Variants in DMD observed in about 807,000 individuals in gnomAD.
The protein encoded by DMD is mutant dystrophin.
A neutral mutation model predicts 330.1 loss-of-function variants in DMD; 63 were observed. The observed-to-expected ratio is 0.19, with a 90% confidence interval of 0.16 to 0.24. DMD has a LOEUF of 0.24. Ranked by LOEUF, DMD falls within the 10% of genes least tolerant of loss-of-function variation. DMD has a pLI of 1.00. For synonymous variants in DMD, 1,223 were observed against 959.8 expected (o/e 1.27, Z -5.07); for missense variants, 3,344 against 2,684.1 (o/e 1.25, Z -5.43).
At chrX:32,206,458 C>A in intron 44 of DMD, 1 of 534,777 alleles carries the variant, frequency 1.9e-6, no homozygotes, top group South Asian at 2.3e-5. Flanking sequence ...TGAGATACTC[C>A]AGCCAAAAAT....
intron 9 of DMD, among the ~76,000 whole-genome samples, chrX:32,684,406 T>A (rs1405003888): frequency 8.9e-6 from 1 of 111,746 alleles, no homozygotes; most frequent in African/African-American, 3.2e-5. Flanking sequence ...CCCTAAGTTT[T>A]ATTAATCCTA....
chrX:31,470,068 C>T (rs1224811742), intron 59 of DMD, among the ~76,000 whole-genome samples: 1 of 110,747 alleles, frequency 9.0e-6, no homozygotes, highest in Non-Finnish European at 1.9e-5. Context: ...TTAGCAATTC[C>T]TCTAACCTTT....
In DMD at chrX:32,928,616, T is replaced by C. The variant is rs183554618; in HGVS notation, c.94-78796A>G. ...TCATCAGGTAACCTACTTACAGATG[T>C]AAAACTTGCAATGATTTGTCTTCTA... On this transcript the variant is annotated intron_variant, in intron 2 of 78. Transcript: ENST00000357033. Among the ~76,000 whole-genome samples the C allele has an allele frequency of 5.3e-5, 6 of 112,202 alleles. No individual in the cohort carries two copies. In the Admixed American group the frequency reaches 5.7e-4, roughly 11 times the overall value.
chrX:32,876,838 A>G (rs2083422641), intron 2 of DMD, among the ~76,000 whole-genome samples: 1 of 112,260 alleles, frequency 8.9e-6, no homozygotes, highest in African/African-American at 3.2e-5. Context: ...ATCTGTGCCA[A>G]ATGGGGCACA....
chrX:32,956,315 C>T (rs950326820), intron 2 of DMD, among the ~76,000 whole-genome samples: 8 of 111,703 alleles, frequency 7.2e-5, no homozygotes, highest in African/African-American at 1.3e-4. Flanking sequence ...GAATGTTTTT[C>T]CATTTGTTTC....
At chrX:32,485,473 A>G (rs1218588607) in intron 20 of DMD, among the ~76,000 whole-genome samples, 1 of 110,597 alleles carries the variant, frequency 9.0e-6, no homozygotes. Context: ...GCTTGCTTCA[A>G]ATTTTAAGCT....
At chrX:32,359,207 T>A (rs1003919518) in intron 37 of DMD, among the ~76,000 whole-genome samples, 2 of 112,071 alleles carry the variant, frequency 1.8e-5, no homozygotes, top group African/African-American at 6.5e-5. Flanking sequence ...CTTTACTCAC[T>A]GCTTTCTGGG....
chrX:32,859,416 C>T (rs887734056), intron 2 of DMD, among the ~76,000 whole-genome samples: 4 of 105,338 alleles, frequency 3.8e-5, no homozygotes, highest in Non-Finnish European at 5.8e-5. Flanking sequence ...TGCAGTGAGC[C>T]GAGATCGTGC....
At chrX:33,025,418 CCTCTT>C (rs2147798227) in intron 1 of DMD, among the ~76,000 whole-genome samples, 1 of 111,091 alleles carries the variant, frequency 9.0e-6, no homozygotes, top group South Asian at 3.8e-4. Flanking sequence ...CTCCTTAAGA[CCTCTT>C]CTCTGCCATC....
chrX:31,187,717 C>CAGAGAG (rs55674554), intron 67 of DMD, among the ~76,000 whole-genome samples: 34 of 66,841 alleles, frequency 5.1e-4, no homozygotes, highest in East Asian at 2.1e-3. Flanking sequence ...CCCAGATTCT[C>CAGAGAG]AGAGAGAGAG....
chrX:32,623,679 C>T, intron 11 of DMD, among the ~76,000 whole-genome samples: 1 of 109,870 alleles, frequency 9.1e-6, no homozygotes. Context: ...AGGTGCACCA[C>T]CTTCCCTGGC....
chrX:31,763,039 A>G (rs765492375), intron 51 of DMD, among the ~76,000 whole-genome samples: 1 of 112,817 alleles, frequency 8.9e-6, no homozygotes, highest in Non-Finnish European at 1.9e-5. Flanking sequence ...TAAATCAACA[A>G]TATTTATAAA....
intron 44 of DMD, among the ~76,000 whole-genome samples, chrX:32,147,296 C>A (rs10521987): frequency 1.8e-5 from 2 of 111,171 alleles, no homozygotes; most frequent in Admixed American, 1.9e-4. Flanking sequence ...TGTGAGATAG[C>A]TAATAAATCA....
chrX:31,836,791 T>C lies in DMD; in HGVS notation c.7127A>G (p.Gln2376Arg). ...KETEIAVQAK[Q>R]PDVEEILSKG... ...AGACAAAATCTCTTCCACATCCGGT[T>C]GTTTAGCTTGAACTGCTATTTCAGT... Residue 2376 changes from glutamine (Q) to arginine (R), a missense_variant, in exon 49 of 79, where the codon CAA becomes CGA. Transcript: ENST00000357033. 8.3e-7 allele frequency: 1 copy of C among 1,211,555 alleles called. No homozygotes were observed. Among genetic ancestry groups the C allele is most frequent in the Non-Finnish European group, 1.1e-6 (1 of 895,233 alleles).
intron 1 of DMD, among the ~76,000 whole-genome samples, chrX:33,337,827 A>G (rs1294127690): frequency 1.8e-5 from 2 of 112,223 alleles, no homozygotes; most frequent in African/African-American, 3.2e-5. Flanking sequence ...ACATTCAGAA[A>G]AAAAGTTACA....
chrX:33,306,530 TAGG>T (rs1316657795), intron 1 of DMD, among the ~76,000 whole-genome samples: 3 of 110,873 alleles, frequency 2.7e-5, no homozygotes, highest in Admixed American at 9.7e-5. Context: ...AGGAAATAAG[TAGG>T]AGATTTCCAC....
At chrX:31,826,950 T>C (rs1449387352) in intron 49 of DMD, among the ~76,000 whole-genome samples, 1 of 112,125 alleles carries the variant, frequency 8.9e-6, no homozygotes, top group Non-Finnish European at 1.9e-5. Flanking sequence ...AGATTTATTA[T>C]AGGTGACTTT....
At chrX:32,302,592 A>G (rs2148545285) in intron 42 of DMD, among the ~76,000 whole-genome samples, 1 of 111,559 alleles carries the variant, frequency 9.0e-6, no homozygotes, top group East Asian at 2.8e-4. Flanking sequence ...CATTTTATTT[A>G]CAGTTTTTTA....
chrX:32,149,115 A>G (rs181865437), intron 44 of DMD, among the ~76,000 whole-genome samples: 1 of 112,072 alleles, frequency 8.9e-6, no homozygotes, highest in East Asian at 2.8e-4. Flanking sequence ...TTCAAGAAAA[A>G]TGTCATTCAT....
Sources: gnomAD v4.1 joint callset for allele counts (sites outside exome capture counted in the v4.1 genomes callset) on GRCh38, gnomAD v4.1.1 for gene constraint, MANE v1.5 for transcripts, NCBI Gene and HGNC (gene_info 2026-07-23, HGNC 2026-07-21) for gene names.